Variants in FGF14 observed in about 807,000 individuals in gnomAD.
FGF14 encodes fibroblast growth factor 14.
Under a neutral mutation model 25.5 loss-of-function variants are expected in FGF14, and 5 were observed. The observed-to-expected ratio is 0.20, with a 90% CI of 0.10 to 0.41. The LOEUF (loss-of-function observed/expected upper bound fraction) is 0.41. Ranked by LOEUF, FGF14 falls within the 10% of genes least tolerant of loss-of-function variation. The pLI is 1.00. For missense variants in FGF14, 222 were observed against 320.1 expected, an observed-to-expected ratio of 0.69 and a Z score of 2.34; for synonymous variants, 138 against 118.3, an observed-to-expected ratio of 1.17 and a Z score of -1.08.
intron 1 of FGF14, among the ~76,000 whole-genome samples, chr13:102,336,564 T>A (rs762715454): frequency 1.3e-5 from 2 of 152,208 alleles, no homozygotes; most frequent in Non-Finnish European, 2.9e-5. Flanking sequence ...ATCCAGGAGA[T>A]CTAGCTAAGA....
intron 1 of FGF14, among the ~76,000 whole-genome samples, chr13:102,059,094 C>T (rs571964393): frequency 6.6e-6 from 1 of 152,134 alleles, no homozygotes; most frequent in East Asian, 1.9e-4. Context: ...AATGATGAGG[C>T]TACTTCACAT....
At chr13:102,372,337 T>A (rs2139114246) in intron 1 of FGF14, among the ~76,000 whole-genome samples, 1 of 152,274 alleles carries the variant, frequency 6.6e-6, no homozygotes, top group African/African-American at 2.4e-5. Flanking sequence ...AAAAGTCCCT[T>A]GCAACATCTG....
chr13:101,856,142 T>A, intron 3 of FGF14, among the ~76,000 whole-genome samples: 1 of 151,832 alleles, frequency 6.6e-6, no homozygotes, highest in East Asian at 1.9e-4. Flanking sequence ...CTTAATAATT[T>A]TTATTATTTT....
chr13:102,365,414 C>A (rs1364560101), intron 1 of FGF14, among the ~76,000 whole-genome samples: 4 of 152,160 alleles, frequency 2.6e-5, no homozygotes, highest in African/African-American at 7.2e-5. Flanking sequence ...AATTAGAATT[C>A]TTTGAGCCGG....
chr13:101,938,224 AG>A (rs1197438694), intron 1 of FGF14, among the ~76,000 whole-genome samples: 1 of 152,208 alleles, frequency 6.6e-6, no homozygotes, highest in Non-Finnish European at 1.5e-5. Context: ...ATGAATAAAA[AG>A]CACCATCCCC....
upstream of FGF14, among the ~76,000 whole-genome samples, chr13:101,920,833 C>T (rs1329600068): frequency 6.6e-6 from 1 of 152,158 alleles, no homozygotes; most frequent in Non-Finnish European, 1.5e-5. Context: ...TTCACACCAA[C>T]TGATTGATAA....
chr13:101,745,261 A>G (rs545412349), intron 3 of FGF14, among the ~76,000 whole-genome samples: 3 of 152,074 alleles, frequency 2.0e-5, no homozygotes, highest in South Asian at 4.1e-4. Context: ...GAATTCCCAT[A>G]TACCCACTGC....
At chr13:102,145,065 G>C (rs2046797885) in intron 1 of FGF14, among the ~76,000 whole-genome samples, 1 of 152,090 alleles carries the variant, frequency 6.6e-6, no homozygotes, top group African/African-American at 2.4e-5. Flanking sequence ...AATGTGATGG[G>C]TGATTTGGGT....
At chr13:102,172,496 C>T (rs2048291312) in intron 1 of FGF14, among the ~76,000 whole-genome samples, 1 of 152,124 alleles carries the variant, frequency 6.6e-6, no homozygotes, top group African/African-American at 2.4e-5. Flanking sequence ...ACACTCCACT[C>T]ATACCTGAAT....
chr13:102,346,575 TAGAG>T (rs1222145026), intron 1 of FGF14, among the ~76,000 whole-genome samples: 2 of 151,506 alleles, frequency 1.3e-5, no homozygotes, highest in Admixed American at 6.6e-5. Flanking sequence ...TTTATATATA[TAGAG>T]AGAGAGAACA....
chr13:102,350,715 G>A (rs1004182048), intron 1 of FGF14, among the ~76,000 whole-genome samples: 4 of 152,206 alleles, frequency 2.6e-5, no homozygotes, highest in Admixed American at 1.3e-4. Context: ...AACTGTCCAC[G>A]TATTCAGGTG....
At position 101,796,961 on chromosome 13, in the gene FGF14, C is replaced by T. The variant is rs191631508; in HGVS notation, c.409-70151G>A. On this transcript the variant is annotated intron_variant, in intron 3 of 4. Coordinates refer to ENST00000376143, the MANE Select transcript of FGF14 (RefSeq NM_004115.4). ...CCAAATATTTCCAAATCCTGACCTC[C>T]ACGGGATAACTATCTTCTCTGTGGT... Among the ~76,000 whole-genome samples, 24 of 152,120 alleles carry T rather than the reference C, an allele frequency of 1.6e-4. No individual in the cohort carries two copies. The East Asian group carries it at 4.1e-3, about 26-fold the overall frequency.
chr13:102,084,902 C>A (rs910990653), intron 1 of FGF14, among the ~76,000 whole-genome samples: 3 of 152,226 alleles, frequency 2.0e-5, no homozygotes, highest in Non-Finnish European at 4.4e-5. Flanking sequence ...CTCCCCAAAC[C>A]CTTATTAATA....
At chr13:102,161,620 AAGAAGAAGAAGAAGAAGAAG>A (rs1566764520) in intron 1 of FGF14, among the ~76,000 whole-genome samples, 9 of 5,872 alleles carry the variant, frequency 1.5e-3, no homozygotes, top group Non-Finnish European at 2.5e-3. Flanking sequence ...GAAGAAGAAG[AAGAAGAAGAAGAAGAAGAAG>A]AAGAAGAAGA....
intron 1 of FGF14, among the ~76,000 whole-genome samples, chr13:101,960,461 T>C (rs2036779876): frequency 6.6e-6 from 1 of 152,150 alleles, no homozygotes; most frequent in Non-Finnish European, 1.5e-5. Context: ...ATGTGGTGTT[T>C]GGTTTTCTGC....
At chr13:102,137,601 A>G (rs770133446) in intron 1 of FGF14, among the ~76,000 whole-genome samples, 8 of 152,154 alleles carry the variant, frequency 5.3e-5, no homozygotes, top group Non-Finnish European at 1.2e-4. Context: ...TGTAGGTGAA[A>G]CATACATCCT....
chr13:102,335,848 T>C (rs2056774165), intron 1 of FGF14, among the ~76,000 whole-genome samples: 1 of 152,206 alleles, frequency 6.6e-6, no homozygotes, highest in South Asian at 2.1e-4. Flanking sequence ...GTTATATCTG[T>C]TATAGTAATT....
intron 3 of FGF14, among the ~76,000 whole-genome samples, chr13:101,805,963 T>C (rs1169439785): frequency 2.0e-5 from 3 of 151,998 alleles, no homozygotes; most frequent in Non-Finnish European, 2.9e-5. Flanking sequence ...TATAAATGTA[T>C]AGATATGTAT....
At chr13:101,787,117 A>G (rs58916210) in intron 3 of FGF14, among the ~76,000 whole-genome samples, 61 of 152,316 alleles carry the variant, frequency 4.0e-4, no homozygotes, top group African/African-American at 1.4e-3. Flanking sequence ...ATAATAAGCA[A>G]TGTGAAAAAA....
Sources: allele counts gnomAD v4.1 joint callset (sites outside exome capture counted in the v4.1 genomes callset), GRCh38; gene constraint gnomAD v4.1.1; transcripts MANE v1.5; gene names NCBI Gene and HGNC (gene_info 2026-07-23, HGNC 2026-07-21).